ITGAE: variants seen among roughly 807,000 people sequenced by gnomAD.
ITGAE encodes integrin alpha-E.
Under a neutral mutation model 136.5 loss-of-function variants are expected in ITGAE, and 99 were observed. The ratio of observed to expected loss-of-function variants is 0.73; its 90% CI spans 0.62 to 0.86. The LOEUF is 0.86. Among genes scored for constraint, ITGAE ranks in the 40% least tolerant of loss-of-function variants. The pLI, the probability that ITGAE is intolerant of heterozygous loss-of-function variation, is 0.00. For missense variants in ITGAE, 1,447 were observed against 1,515.3 expected, an observed-to-expected ratio of 0.95 and a Z score of 0.75; for synonymous variants, 613 against 591.8, an observed-to-expected ratio of 1.04 and a Z score of -0.52.
intron 28 of ITGAE, chr17:3,722,610 T>A (rs1481924124): frequency 6.6e-6 from 1 of 152,432 alleles, no homozygotes; most frequent in African/African-American, 2.4e-5. Context: ...GCCAGAATAA[T>A]GCTGTACTGG....
At chr17:3,787,017 A>T (rs1343036462) in intron 1 of ITGAE, among the ~76,000 whole-genome samples, 1 of 152,202 alleles carries the variant, frequency 6.6e-6, no homozygotes, top group Non-Finnish European at 1.5e-5. Context: ...ATTAAAAATC[A>T]TATGATTATG....
intron 29 of ITGAE, among the ~76,000 whole-genome samples, chr17:3,719,234 T>TAAAAAAAAAAAAAAAAAAAAAAAAAAAAA (rs2050999265): frequency 2.9e-5 from 1 of 34,836 alleles, no homozygotes; most frequent in African/African-American, 1.2e-4. Flanking sequence ...AGATTCTTCC[T>TAAAAAAAAAAAAAAAAAAAAAAAAAAAAA]CAAAAAAAAA....
At chr17:3,745,958 G>C in intron 17 of ITGAE, 31 bp from the exon 18 acceptor site, 1 of 1,599,910 alleles carries the variant, frequency 6.3e-7, no homozygotes, top group South Asian at 1.1e-5. Context: ...TTCCCGATGA[G>C]GTGGGGATGA....
At chr17:3,739,969 C>A (rs1456960301) in intron 19 of ITGAE, 91 bp from the exon 20 acceptor site, 4 of 981,496 alleles carry the variant, frequency 4.1e-6, no homozygotes, top group Non-Finnish European at 6.5e-6. Flanking sequence ...AAGTTTTGGG[C>A]TGTGCCTCCT....
At chr17:3,734,188 A>G (rs1597312881) in intron 21 of ITGAE, among the ~76,000 whole-genome samples, 1 of 152,242 alleles carries the variant, frequency 6.6e-6, no homozygotes, top group East Asian at 1.9e-4. Context: ...CTCCTGCCTC[A>G]GCCTCCCGAG....
intron 1 of ITGAE, among the ~76,000 whole-genome samples, chr17:3,781,532 A>AT (rs753216532): frequency 6.6e-6 from 1 of 151,800 alleles, no homozygotes; most frequent in African/African-American, 2.4e-5. Flanking sequence ...CTAATATTGT[A>AT]TTTTAGTAGA....
Position 3,801,113 on chromosome 17 carries a change from G to C in ITGAE, c.32C>G (p.Ala11Gly). 6.2e-7 allele frequency: 1 copy of C among 1,612,812 alleles called. No individual in the cohort carries two copies. The highest frequency in any genetic ancestry group is 8.5e-7 in the Non-Finnish European group (1 of 1,180,018). Residue 11 changes from alanine (A) to glycine (G), a missense_variant and splice_region_variant, in exon 1 of 31, where the codon GCC becomes GGC. By Grantham distance (60) the Ala-to-Gly change is moderately conservative. This residue lies in a region of ITGAE where 106 missense variants were observed against 87.8 expected (regional missense o/e 1.21). Transcript: ENST00000263087. ...AAGCAGCGGGTGAGAGGACTTACTG[G>C]CTATGCAGAGCAGAGTGTGGAAGAG... MWLFHTLLCI[A>G]SLALLAAFNV... is the part of the protein sequence containing the mutation.
In ITGAE at chr17:3,753,814, G is replaced by A. The variant is rs144980355; in HGVS notation, c.1496C>T (p.Ala499Val). 3.5e-5 allele frequency: 56 copies of A among 1,614,098 alleles called. No homozygotes were observed. The African/African-American group carries it at 6.5e-4, about 19-fold the overall frequency. ...TCCCTCCAGCACTGGCAGGAAGCTGGCCTCTCTGCCCTCCTTCTGGAGCTC... is the reference window on the plus strand; with the variant it reads ...TCCCTCCAGCACTGGCAGGAAGCTGACCTCTCTGCCCTCCTTCTGGAGCTC... Reference protein sequence around the residue: ...VFELQKEGREASFLPVLEGEQ... With the variant: ...VFELQKEGREVSFLPVLEGEQ... The change falls in exon 13 of 31, where the codon GCC (alanine) becomes GTC (valine). Residue 499 changes from alanine to valine, a missense_variant. Transcript: ENST00000263087.
chr17:3,753,440 G>C lies in ITGAE; in HGVS notation c.1528-10C>G. On this transcript the variant is annotated splice_polypyrimidine_tract_variant and intron_variant, in intron 13 of 30. Transcript: ENST00000263087. ...CAAAATAGGACCCCATCTACAGCCCGGGAGGAACTCAGCTCACCAGGAGCC... is the reference window on the plus strand; with the variant it reads ...CAAAATAGGACCCCATCTACAGCCCCGGAGGAACTCAGCTCACCAGGAGCC... 1.9e-6 allele frequency: 3 copies of C among 1,611,886 alleles called. No homozygotes were observed. The highest frequency in any genetic ancestry group is 2.5e-6 in the Non-Finnish European group (3 of 1,178,400).
chr17:3,714,814 T>C lies in ITGAE; in HGVS notation c.*33A>G. 2 of 1,278,126 alleles carry C rather than the reference T, an allele frequency of 1.6e-6. No individual in the cohort carries two copies. The highest frequency in any genetic ancestry group is 2.3e-6 in the Non-Finnish European group (2 of 878,124). 79.2% of individuals were successfully genotyped at this position (1,278,126 alleles called of 1,614,324 possible). On this transcript the variant is annotated 3_prime_UTR_variant, in exon 31 of 31. Transcript: ENST00000263087. ...ATGCTGGGTCTCCAAGTCCCAGGAC[T>C]GGCTGATAGCCTCTCCCAGTGGATA...
intron 19 of ITGAE, among the ~76,000 whole-genome samples, chr17:3,741,783 A>C (rs1005912632): frequency 2.0e-5 from 3 of 152,144 alleles, no homozygotes; most frequent in Non-Finnish European, 4.4e-5. Context: ...TCCTGACAAA[A>C]ATGCATAACC....
intron 14 of ITGAE, among the ~76,000 whole-genome samples, chr17:3,752,467 T>G (rs2143020284): frequency 6.6e-6 from 1 of 152,300 alleles, no homozygotes; most frequent in Admixed American, 6.5e-5. Flanking sequence ...CTGTAAGAGA[T>G]GTTATCAGCT....
intron 7 of ITGAE, 31 bp downstream of exon 7, chr17:3,760,141 T>A (rs370180091): frequency 8.0e-7 from 1 of 1,256,730 alleles, no homozygotes; most frequent in South Asian, 1.2e-5. Context: ...CAGCAATAGA[T>A]AAGTGTTAAC....
chr17:3,735,174 T>C (rs1344610445), intron 20 of ITGAE, among the ~76,000 whole-genome samples: 1 of 152,122 alleles, frequency 6.6e-6, no homozygotes, highest in Non-Finnish European at 1.5e-5. Flanking sequence ...TTTTCTTATT[T>C]TTATTTTTTT....
At chr17:3,766,500 C>T (rs942002926) in intron 2 of ITGAE, among the ~76,000 whole-genome samples, 1 of 152,120 alleles carries the variant, frequency 6.6e-6, no homozygotes, top group African/African-American at 2.4e-5. Context: ...ACCTCCAAAA[C>T]TACAAGATAA....
chr17:3,789,302 C>G (rs1382501032), intron 1 of ITGAE, among the ~76,000 whole-genome samples: 1 of 151,868 alleles, frequency 6.6e-6, no homozygotes, highest in East Asian at 1.9e-4. Flanking sequence ...AGGGCACCAT[C>G]TCTTTACTCT....
chr17:3,796,086 T>C (rs934007941), intron 1 of ITGAE, among the ~76,000 whole-genome samples: 4 of 133,172 alleles, frequency 3.0e-5, no homozygotes, highest in Non-Finnish European at 3.3e-5. Flanking sequence ...CATCCCTGTG[T>C]ATGCATCCGT....
At chr17:3,720,460 G>T in intron 28 of ITGAE, 58 bp from the exon 29 acceptor site, 1 of 807,042 alleles carries the variant, frequency 1.2e-6, no homozygotes, top group Non-Finnish European at 2.2e-6. Flanking sequence ...TGAACTCACT[G>T]TGTTTGAACA....
intron 29 of ITGAE, among the ~76,000 whole-genome samples, chr17:3,719,620 T>A (rs1017206498): frequency 6.6e-6 from 1 of 152,250 alleles, no homozygotes; most frequent in African/African-American, 2.4e-5. Flanking sequence ...ATAAAAGATT[T>A]ATGCATTCCT....
Sources: allele counts gnomAD v4.1 joint callset (sites outside exome capture counted in the v4.1 genomes callset), GRCh38; gene constraint gnomAD v4.1.1; regional missense constraint gnomAD v4.1.1; transcripts MANE v1.5; gene names NCBI Gene and HGNC (gene_info 2026-07-23, HGNC 2026-07-21).